The following BRAF variants were observed in gnomAD, a reference collection of about 807,000 sequenced individuals.
The protein encoded by BRAF is B-Raf proto-oncogene, serine/threonine kinase.
Under a neutral mutation model 104.6 loss-of-function variants are expected in BRAF, and 16 were observed. The ratio of observed to expected loss-of-function variants is 0.15; its 90% CI spans 0.10 to 0.23. The LOEUF is 0.23. Among genes scored for constraint, BRAF ranks in the 10% least tolerant of loss-of-function variants. BRAF has a pLI of 1.00. For synonymous variants in BRAF, 310 were observed against 341.6 expected (o/e 0.91, Z 1.02); for missense variants, 541 against 937.3 (o/e 0.58, Z 5.52).
rs1196083936 is a variant in BRAF, at chr7:140,800,311, A to G, written c.980+51T>C. ...GTTTCTAATTAACCAGGAGATCCAA[A>G]AGAAAGCGGTTCAAGTAGCATGTCG... On this transcript the variant is annotated intron_variant, in intron 7 of 19. Transcript: ENST00000644969. 3 of 1,613,160 alleles carry G rather than the reference A, an allele frequency of 1.9e-6. No individual in the cohort carries two copies. The South Asian group carries it at 3.3e-5, about 18-fold the overall frequency.
intron 1 of BRAF, among the ~76,000 whole-genome samples, chr7:140,868,669 C>T (rs1811234842): frequency 6.6e-6 from 1 of 152,038 alleles, no homozygotes; most frequent in Non-Finnish European, 1.5e-5. Flanking sequence ...GTTGTGCACA[C>T]TGAATACACT....
chr7:140,850,946 A>T (rs1367546125), intron 1 of BRAF, among the ~76,000 whole-genome samples: 3 of 152,202 alleles, frequency 2.0e-5, no homozygotes, highest in Non-Finnish European at 4.4e-5. Context: ...CACCTCAAAT[A>T]CTACTAAGAT....
rs866244469 is a variant in BRAF, at chr7:140,803,896, T to C, written c.712-2336A>G. Among the ~76,000 whole-genome samples, 56 of 152,326 alleles carry C rather than the reference T, an allele frequency of 3.7e-4. 2 individuals are homozygous for C. The highest frequency in any genetic ancestry group is 6.8e-3 in the Middle Eastern group (2 of 294). On this transcript the variant is annotated intron_variant, in intron 5 of 19. Coordinates refer to ENST00000644969, the MANE Select transcript of BRAF (RefSeq NM_001374258.1). ...ATTTCATTATTTGTTCTTTGCTCTG[T>C]ATTCTTGAGATGGAGTCTCGCTCTG...
At chr7:140,853,702 CT>C (rs1001017398) in intron 1 of BRAF, among the ~76,000 whole-genome samples, 2 of 152,212 alleles carry the variant, frequency 1.3e-5, no homozygotes, top group African/African-American at 4.8e-5. Flanking sequence ...CTCTTACCTT[CT>C]CATTTAGAAA....
At chr7:140,769,695 T>C (rs898648445) in intron 14 of BRAF, among the ~76,000 whole-genome samples, 1 of 152,216 alleles carries the variant, frequency 6.6e-6, no homozygotes, top group Non-Finnish European at 1.5e-5. Context: ...TGAACATGTT[T>C]CCAATTTTTC....
In BRAF at chr7:140,721,456, A is replaced by G. The variant is rs1293367820; in HGVS notation, c.*5038T>C. 2 of 1,263,622 alleles carry G rather than the reference A, an allele frequency of 1.6e-6. No individual in the cohort carries two copies. The highest frequency in any genetic ancestry group is 4.1e-5 in the Admixed American group (1 of 24,520). The allele number at this position is 1,263,622 out of a possible 1,614,324, so 78.3% of individuals were successfully genotyped here. ...CAATTTAAATGTCTTTGCCCAAACA[A>G]AAGTGAAAATAGGTTATTTGAAAAC... is the stretch of plus-strand genomic sequence containing the variant. On this transcript the variant is annotated 3_prime_UTR_variant, in exon 20 of 20. Coordinates refer to ENST00000644969, the MANE Select transcript of BRAF (RefSeq NM_001374258.1).
chr7:140,796,541 T>G (rs932176510), intron 7 of BRAF, among the ~76,000 whole-genome samples: 5 of 152,090 alleles, frequency 3.3e-5, no homozygotes, highest in Non-Finnish European at 7.4e-5. Context: ...AAGACATTGG[T>G]CCAGAAGAAA....
chr7:140,924,276 C>T lies in BRAF; in HGVS notation c.138+290G>A, dbSNP rs534059228. On this transcript the variant is annotated intron_variant, in intron 1 of 19. Transcript: ENST00000644969. This position sits in a 1 kb window ranked among gnomAD's most constrained non-coding sequence, Gnocchi z 4.2. ...GCCAATCGTGACCTTCTCGGACCAA[C>T]CCTGAGTTTCGCCCCCTATTGATAG... Among the ~76,000 whole-genome samples, 6 of 152,254 alleles carry T rather than the reference C, an allele frequency of 3.9e-5. No individual in the cohort carries two copies. The highest frequency in any genetic ancestry group is 1.4e-4 in the African/African-American group (6 of 41,562).
intron 1 of BRAF, among the ~76,000 whole-genome samples, chr7:140,914,375 G>C (rs188293653): frequency 3.1e-4 from 47 of 152,282 alleles, no homozygotes; most frequent in Non-Finnish European, 5.6e-4. Context: ...CTGTTAGTAT[G>C]AGAAGGCATG....
At chr7:140,837,037 C>T (rs1807416691) in intron 2 of BRAF, among the ~76,000 whole-genome samples, 1 of 152,188 alleles carries the variant, frequency 6.6e-6, no homozygotes, top group Admixed American at 6.5e-5. Flanking sequence ...TATCACTTCA[C>T]CACATCTATC....
chr7:140,726,359 G>A lies in BRAF; in HGVS notation c.*135C>T. The A allele has an allele frequency of 1.4e-6, 2 of 1,471,578 alleles. No individual in the cohort carries two copies. Among genetic ancestry groups the A allele is most frequent in the Non-Finnish European group, 1.8e-6 (2 of 1,118,708 alleles). The allele number at this position is 1,471,578 out of a possible 1,614,324, so 91.2% of individuals were successfully genotyped here. On this transcript the variant is annotated 3_prime_UTR_variant, in exon 20 of 20. Coordinates refer to ENST00000644969, the MANE Select transcript of BRAF (RefSeq NM_001374258.1). ...TTTGTTGGATGGGAAATTCCATTCTGTTCCACATCAGCTTATGCATTGGAA... is the reference window on the plus strand; with the variant it reads ...TTTGTTGGATGGGAAATTCCATTCTATTCCACATCAGCTTATGCATTGGAA...
At chr7:140,742,346 C>A (rs557781227) in intron 17 of BRAF, among the ~76,000 whole-genome samples, 1 of 152,110 alleles carries the variant, frequency 6.6e-6, no homozygotes, top group South Asian at 2.1e-4. Flanking sequence ...TGCACACCAC[C>A]ATGCCTGGCT....
intron 14 of BRAF, among the ~76,000 whole-genome samples, chr7:140,765,789 G>T (rs1381868647): frequency 1.3e-5 from 2 of 151,968 alleles, no homozygotes; most frequent in Non-Finnish European, 2.9e-5. Context: ...TCATTAAAAA[G>T]TCAGGAAACA....
chr7:140,746,371 A>G lies in BRAF; in HGVS notation c.2112+2916T>C, dbSNP rs967595594. 2.6e-5 allele frequency among the ~76,000 whole-genome samples: 4 copies of G among 152,200 alleles called. No homozygotes were observed. The South Asian group carries it at 8.3e-4, about 32-fold the overall frequency. On this transcript the variant is annotated intron_variant, in intron 17 of 19. Transcript: ENST00000644969. ...AGAAAAATGTTAGAATGATAAAGAGAGTGGGGGGATGACAAAGTGATTTCC... is the reference window on the plus strand; with the variant it reads ...AGAAAAATGTTAGAATGATAAAGAGGGTGGGGGGATGACAAAGTGATTTCC...
Position 140,915,981 on chromosome 7 carries a change from CA to C in BRAF, c.138+8584del, listed in dbSNP as rs1817585491. On this transcript the variant is annotated intron_variant, in intron 1 of 19. Coordinates refer to ENST00000644969, the MANE Select transcript of BRAF (RefSeq NM_001374258.1). The stretch of plus-strand genomic sequence containing the variant: ...GAGCAACACAGCATCTCTACCAAAA[CA>C]AACAAACAAACAAACAAAAAAAACC... 3.4e-5 allele frequency among the ~76,000 whole-genome samples: 5 copies of C among 148,666 alleles called. No homozygotes were observed. In the South Asian group the frequency reaches 1.1e-3, roughly 33 times the overall value.
Position 140,749,267 on chromosome 7 carries a change from A to G in BRAF, c.2112+20T>C, listed in dbSNP as rs2128994223. On this transcript the variant is annotated intron_variant, in intron 17 of 19. Coordinates refer to ENST00000644969, the MANE Select transcript of BRAF (RefSeq NM_001374258.1). ...GTATATAGACGGTAAAATAAACACC[A>G]AGACGTGGTAAATATTTACCTGGTC... 2 of 1,610,468 alleles carry G rather than the reference A, an allele frequency of 1.2e-6. No homozygotes were observed. The highest frequency in any genetic ancestry group is 2.7e-5 in the African/African-American group (2 of 74,908).
At chr7:140,801,311 GGAA>G in intron 6 of BRAF, 98 bp downstream of exon 6, 1 of 1,354,888 alleles carries the variant, frequency 7.4e-7, no homozygotes, top group Non-Finnish European at 1.0e-6. Context: ...ACAATCGTAT[GGAA>G]GAAAAACCCT....
chr7:140,874,582 T>A (rs1405621180), intron 1 of BRAF, among the ~76,000 whole-genome samples: 2 of 148,660 alleles, frequency 1.3e-5, no homozygotes, highest in East Asian at 3.9e-4. Flanking sequence ...AGATAGTGTC[T>A]CAGTTTTTTC....
intron 12 of BRAF, among the ~76,000 whole-genome samples, chr7:140,779,600 G>A (rs997936416): frequency 3.3e-5 from 5 of 152,074 alleles, no homozygotes; most frequent in African/African-American, 1.2e-4. Flanking sequence ...AGAAAGTTTT[G>A]GATTTTGGAG....
Sources: allele counts gnomAD v4.1 joint callset (sites outside exome capture counted in the v4.1 genomes callset), GRCh38; gene constraint gnomAD v4.1.1; non-coding constraint Gnocchi (gnomAD v3.1); transcripts MANE v1.5; gene names NCBI Gene and HGNC (gene_info 2026-07-23, HGNC 2026-07-21).